The following PIK3C2G variants were observed in gnomAD, a reference collection of about 807,000 sequenced individuals.
The protein encoded by PIK3C2G is phosphatidylinositol-4-phosphate 3-kinase catalytic subunit type 2 gamma.
A neutral mutation model predicts 181.1 loss-of-function variants in PIK3C2G; 168 were observed. That is an observed-to-expected ratio of 0.93 (90% CI 0.82 to 1.05). PIK3C2G has a LOEUF of 1.05. PIK3C2G is among the 50% of genes least tolerant of loss of function. The pLI is 0.00. For synonymous variants in PIK3C2G, 573 were observed against 592.2 expected, an observed-to-expected ratio of 0.97 and a Z score of 0.47; for missense variants, 1,869 against 1,732.8, an observed-to-expected ratio of 1.08 and a Z score of -1.40.
chr12:18,345,490 AATGTTTAATTATAG>A (rs1939585370), intron 10 of PIK3C2G, among the ~76,000 whole-genome samples: 1 of 152,182 alleles, frequency 6.6e-6, no homozygotes, highest in Non-Finnish European at 1.5e-5. Flanking sequence ...CAACAACAAA[AATGTTTAATTATAG>A]ACAGACGTAC....
At chr12:18,354,024 C>T (rs897034799) in intron 11 of PIK3C2G, among the ~76,000 whole-genome samples, 14 of 152,180 alleles carry the variant, frequency 9.2e-5, no homozygotes, top group Non-Finnish European at 1.9e-4. Context: ...TGGCACCTTC[C>T]CTGATGCTAT....
At position 18,562,783 on chromosome 12, in the gene PIK3C2G, G is replaced by T. The variant is rs201260760; in HGVS notation, c.3671G>T (p.Ser1224Ile). 4 of 1,608,042 alleles carry T rather than the reference G, an allele frequency of 2.5e-6. No individual in the cohort carries two copies. Among genetic ancestry groups the T allele is most frequent in the Non-Finnish European group, 3.4e-6 (4 of 1,176,602 alleles). Residue 1224 changes from serine (S) to isoleucine (I), a missense_variant, in exon 27 of 33, where the codon AGC becomes ATC. Transcript: ENST00000538779. ...ACACTTGCACAAATGTCAGCCATAA[G>T]CCCTGCCAAATCTACTTCACAGACT... ...IHTLAQMSAI[S>I]PAKSTSQTFP...
intron 31 of PIK3C2G, among the ~76,000 whole-genome samples, chr12:18,614,506 T>A (rs951444711): frequency 6.6e-5 from 10 of 152,130 alleles, no homozygotes; most frequent in Admixed American, 1.3e-4. Context: ...CCAAGCTAAT[T>A]GTGTCTGCAC....
chr12:18,584,720 T>A (rs1004524779), intron 29 of PIK3C2G, among the ~76,000 whole-genome samples: 2 of 151,982 alleles, frequency 1.3e-5, no homozygotes, highest in Non-Finnish European at 2.9e-5. Context: ...CAGAAGATAA[T>A]CATCCCAAGA....
intron 24 of PIK3C2G, among the ~76,000 whole-genome samples, chr12:18,535,139 A>G (rs1455105986): frequency 6.6e-6 from 1 of 152,152 alleles, no homozygotes; most frequent in East Asian, 1.9e-4. Flanking sequence ...GAATAGGTTT[A>G]CATTTCAGTG....
At chr12:18,342,176 T>G (rs904901207) in intron 9 of PIK3C2G, among the ~76,000 whole-genome samples, 2 of 152,146 alleles carry the variant, frequency 1.3e-5, no homozygotes, top group African/African-American at 4.8e-5. Flanking sequence ...CAGTCTAACA[T>G]TTTTAATAGT....
At chr12:18,607,311 T>C (rs1310980123) in intron 30 of PIK3C2G, 1 of 372,558 alleles carries the variant, frequency 2.7e-6, no homozygotes, top group African/African-American at 2.1e-5. Flanking sequence ...ATAGAATAGC[T>C]ACAGTAATCA....
intron 18 of PIK3C2G, among the ~76,000 whole-genome samples, chr12:18,443,771 C>A (rs1222805342): frequency 1.3e-5 from 2 of 152,152 alleles, no homozygotes; most frequent in Admixed American, 6.5e-5. Context: ...TGTTACCATT[C>A]ACTAACTTTA....
At chr12:18,476,622 A>C (rs1939023420) in intron 18 of PIK3C2G, among the ~76,000 whole-genome samples, 1 of 152,102 alleles carries the variant, frequency 6.6e-6, no homozygotes, top group Non-Finnish European at 1.5e-5. Flanking sequence ...AGCTATTTTG[A>C]AGGTAAACCT....
the PIK3C2G span, among the ~76,000 whole-genome samples, chr12:18,655,970 AAAGT>A: frequency 1.3e-5 from 2 of 152,184 alleles, no homozygotes; most frequent in Non-Finnish European, 2.9e-5. Flanking sequence ...AATTAGGTAA[AAAGT>A]AAGTAAATTT....
At chr12:18,641,763 T>TTTTTTTTA (rs1949853911) in intron 32 of PIK3C2G, among the ~76,000 whole-genome samples, 2 of 142,100 alleles carry the variant, frequency 1.4e-5, no homozygotes. Flanking sequence ...TTTTTTTTTT[T>TTTTTTTTA]GAGATGGAGC....
At chr12:18,253,908 A>G (rs1179916995) in intron 1 of PIK3C2G, among the ~76,000 whole-genome samples, 1 of 149,594 alleles carries the variant, frequency 6.7e-6, no homozygotes, top group Non-Finnish European at 1.5e-5. Flanking sequence ...TCTGCATCTC[A>G]TTCCTCAGAT....
intron 15 of PIK3C2G, among the ~76,000 whole-genome samples, chr12:18,396,930 AT>A (rs747139736): frequency 6.6e-6 from 1 of 151,858 alleles, no homozygotes; most frequent in Non-Finnish European, 1.5e-5. Context: ...TGACTCCAAT[AT>A]TTATGTGGAA....
At chr12:18,384,674 T>C (rs146209868) in intron 14 of PIK3C2G, among the ~76,000 whole-genome samples, 245 of 152,286 alleles carry the variant, frequency 1.6e-3, no homozygotes, top group African/African-American at 5.7e-3. Flanking sequence ...TTTATCAACA[T>C]AGATTTTAGC....
intron 31 of PIK3C2G, 48 bp from the exon 32 acceptor site, chr12:18,640,381 T>C: frequency 6.4e-7 from 1 of 1,553,184 alleles, no homozygotes; most frequent in Non-Finnish European, 8.8e-7. Context: ...GTATTTGTTT[T>C]CTTTGATAGC....
At chr12:18,313,449 TTCC>T (rs1950723809) in intron 5 of PIK3C2G, among the ~76,000 whole-genome samples, 2 of 152,100 alleles carry the variant, frequency 1.3e-5, no homozygotes, top group East Asian at 1.9e-4. Context: ...TTAATTGGCC[TTCC>T]TAAGGTCATC....
intron 14 of PIK3C2G, among the ~76,000 whole-genome samples, chr12:18,386,638 C>G (rs1406630313): frequency 1.3e-5 from 2 of 152,144 alleles, no homozygotes; most frequent in African/African-American, 4.8e-5. Context: ...TTCTATATTA[C>G]AGATACATTT....
At chr12:18,654,836 G>A in the PIK3C2G span, among the ~76,000 whole-genome samples, 2 of 152,136 alleles carry the variant, frequency 1.3e-5, no homozygotes, top group Admixed American at 1.3e-4. Flanking sequence ...CTCTCTTAAT[G>A]TGGGACATTC....
rs1292727377 is a variant in PIK3C2G, at chr12:18,497,627, T to A, written c.2895T>A (p.Asp965Glu). Residue 965 changes from aspartate (D) to glutamate (E), a missense_variant, in exon 22 of 33, where the codon GAT becomes GAA. Coordinates refer to ENST00000538779, the MANE Select transcript of PIK3C2G (RefSeq NM_001288772.2). ...AATTTTGTTTTTAACAGGCTGGAGA[T>A]GATCTTCGTCAGGATATGCTTGTTC... ...KNISIIFKAG[D>E]DLRQDMLVLQ... 2 of 1,612,444 alleles carry A rather than the reference T, an allele frequency of 1.2e-6. No individual in the cohort carries two copies.
Sources: gnomAD v4.1 joint callset for allele counts (sites outside exome capture counted in the v4.1 genomes callset) on GRCh38, gnomAD v4.1.1 for gene constraint, MANE v1.5 for transcripts, NCBI Gene and HGNC (gene_info 2026-07-23, HGNC 2026-07-21) for gene names.